The following EML4 variants were observed in gnomAD, a reference collection of about 807,000 sequenced individuals.
EML4 encodes the protein EMAP like 4.
EML4 carries 72 observed loss-of-function variants against 129.0 expected under a neutral mutation model. The observed-to-expected ratio is 0.56, with a 90% confidence interval of 0.46 to 0.68. EML4 has a LOEUF of 0.68. Among genes scored for constraint, EML4 ranks in the 30% least tolerant of loss-of-function variants. The pLI, the probability that EML4 is intolerant of heterozygous loss-of-function variation, is 0.00. For missense variants in EML4, 1,363 were observed against 1,190.6 expected, an observed-to-expected ratio of 1.14 and a Z score of -2.13; for synonymous variants, 532 against 405.0, an observed-to-expected ratio of 1.31 and a Z score of -3.77.
rs200868933 is a variant in EML4 at position 42,297,893 on chromosome 2, AT to A, written c.1489+2384del. On this transcript the variant is annotated intron_variant, in intron 13 of 22. Transcript: ENST00000318522. ...TTATGTCTTAAAAGTGCTTTTATAT[AT>A]TTTTTTCTTGTTTCCAAACCATTTC... Among the ~76,000 whole-genome samples, 737 of 152,180 alleles carry A rather than the reference AT, an allele frequency of 4.8e-3. 20 individuals are homozygous for A. The highest frequency in any genetic ancestry group is 0.021 in the East Asian group (110 of 5,182).
chr2:42,204,878 C>T (rs1188267697), intron 1 of EML4, among the ~76,000 whole-genome samples: 1 of 152,172 alleles, frequency 6.6e-6, no homozygotes, highest in South Asian at 2.1e-4. Context: ...AGTAATGAAT[C>T]TGTGTAAATG....
rs1420240989 is a variant in EML4, at chr2:42,282,893, A to G, written c.862A>G (p.Ile288Val). 1.9e-6 allele frequency: 3 copies of G among 1,611,300 alleles called. No individual in the cohort carries two copies. Among genetic ancestry groups the G allele is most frequent in the Non-Finnish European group, 2.5e-6 (3 of 1,177,546 alleles). The change falls in exon 8 of 23, where the codon ATT becomes GTT. Residue 288 changes from isoleucine (I) to valine (V), a missense_variant. By Grantham distance (29) the Ile-to-Val change is conservative. Coordinates refer to ENST00000318522, the MANE Select transcript of EML4 (RefSeq NM_019063.5). ...TCCGACCGGGAAAATAGTTTATTTC[A>G]TTGCATCAGTAGTAGTACTATTTAA... ...LLPTGKIVYFIASVVVLFNYE... is the reference protein window; with the variant it reads ...LLPTGKIVYFVASVVVLFNYE...
chr2:42,192,535 C>G (rs1469552583), intron 1 of EML4, among the ~76,000 whole-genome samples: 1 of 152,090 alleles, frequency 6.6e-6, no homozygotes, highest in Non-Finnish European at 1.5e-5. Context: ...CCACCGTGCC[C>G]AGCCTACTGT....
At chr2:42,277,649 AC>A (rs1436019808) in intron 6 of EML4, among the ~76,000 whole-genome samples, 1 of 151,024 alleles carries the variant, frequency 6.6e-6, no homozygotes. Flanking sequence ...GCTCACTGCA[AC>A]CCCCGCCTCC....
At chr2:42,238,230 A>G (rs1156429322) in intron 1 of EML4, among the ~76,000 whole-genome samples, 2 of 152,232 alleles carry the variant, frequency 1.3e-5, no homozygotes, top group East Asian at 3.8e-4. Flanking sequence ...CACTTCTGGT[A>G]CCAAGCAATT....
At chr2:42,310,138 C>T (rs1312999584) in intron 17 of EML4, among the ~76,000 whole-genome samples, 4 of 152,112 alleles carry the variant, frequency 2.6e-5, no homozygotes. Context: ...AACAAATTGG[C>T]CAAAGATGTA....
chr2:42,291,436 T>C (rs900873831), intron 11 of EML4, among the ~76,000 whole-genome samples: 2 of 147,976 alleles, frequency 1.4e-5, no homozygotes, highest in African/African-American at 5.1e-5. Context: ...AGTCTCATTC[T>C]GTCACCCATG....
chr2:42,308,452 A>G (rs1473407376), intron 17 of EML4, among the ~76,000 whole-genome samples: 6 of 152,074 alleles, frequency 3.9e-5, no homozygotes, highest in Admixed American at 6.6e-5. Context: ...AGAGGTTGCA[A>G]TGAACTGAGA....
chr2:42,265,288 A>G (rs1320872550), intron 6 of EML4, among the ~76,000 whole-genome samples: 1 of 152,114 alleles, frequency 6.6e-6, no homozygotes, highest in Non-Finnish European at 1.5e-5. Flanking sequence ...TATTTTTAGT[A>G]GAGACGGGGT....
intron 1 of EML4, among the ~76,000 whole-genome samples, chr2:42,230,031 C>T (rs1220451011): frequency 6.6e-6 from 1 of 152,068 alleles, no homozygotes; most frequent in Non-Finnish European, 1.5e-5. Flanking sequence ...TTTGCTTCTT[C>T]CAGATTCCCC....
At chr2:42,192,248 G>T (rs555131242) in intron 1 of EML4, among the ~76,000 whole-genome samples, 9 of 149,096 alleles carry the variant, frequency 6.0e-5, no homozygotes, top group Non-Finnish European at 1.0e-4. Flanking sequence ...TTTTTTGGGG[G>T]GGGGAGGTGT....
chr2:42,323,351 A>G (rs969086821), intron 19 of EML4, among the ~76,000 whole-genome samples: 3 of 152,180 alleles, frequency 2.0e-5, no homozygotes, highest in African/African-American at 7.2e-5. Context: ...CTGAAAATTG[A>G]TTTCTTAAGT....
At chr2:42,214,800 C>CCATACCA (rs1673084736) in intron 1 of EML4, among the ~76,000 whole-genome samples, 1 of 152,112 alleles carries the variant, frequency 6.6e-6, no homozygotes, top group Non-Finnish European at 1.5e-5. Context: ...TATGGTGGCT[C>CCATACCA]AGAGTAGTTG....
At chr2:42,299,945 C>G (rs1216349019) in intron 13 of EML4, among the ~76,000 whole-genome samples, 1 of 152,186 alleles carries the variant, frequency 6.6e-6, no homozygotes, top group Non-Finnish European at 1.5e-5. Context: ...CTCGGCCTCC[C>G]AAAGTGCTGG....
intron 1 of EML4, among the ~76,000 whole-genome samples, chr2:42,175,803 A>G (rs977126837): frequency 4.6e-5 from 7 of 152,168 alleles, no homozygotes; most frequent in Non-Finnish European, 7.4e-5. Flanking sequence ...CCAGCATCAT[A>G]TTATTTTTAA....
At position 42,329,877 on chromosome 2, in the gene EML4, G is replaced by A; in HGVS notation, c.2616G>A (p.Gln872=). ...TTGTGGAAAAGTTATCTTTGCCTCA[G>A]AATGAGACTGTAGCGGATACTACTC... ...WKLVEKLSLP[Q]NETVADTTLT... is the part of the protein sequence containing the mutation. The change falls in exon 23 of 23, where the codon CAG becomes CAA. Residue 872 remains glutamine (Q), a synonymous_variant. Transcript: ENST00000318522. 6.2e-7 allele frequency: 1 copy of A among 1,614,106 alleles called. No individual in the cohort carries two copies. The highest frequency in any genetic ancestry group is 1.3e-5 in the African/African-American group (1 of 75,010).
intron 19 of EML4, 143 bp from the exon 20 acceptor site, chr2:42,325,324 T>C (rs1235553036): frequency 6.4e-6 from 4 of 626,814 alleles, no homozygotes; most frequent in Non-Finnish European, 1.2e-5. Flanking sequence ...GTGAGCCTGC[T>C]CAGTTTTAGA....
intron 1 of EML4, among the ~76,000 whole-genome samples, chr2:42,187,941 G>T (rs1028095946): frequency 1.3e-5 from 2 of 152,140 alleles, no homozygotes; most frequent in African/African-American, 4.8e-5. Context: ...GGGTCACAAA[G>T]ATTCTTATTA....
Position 42,331,776 on chromosome 2 carries a change from A to G in EML4, c.*1569A>G. On this transcript the variant is annotated 3_prime_UTR_variant, in exon 23 of 23. Coordinates refer to ENST00000318522, the MANE Select transcript of EML4 (RefSeq NM_019063.5). Reference sequence around the variant, plus strand: ...TCCCAAGGACATTTACAACATTTATATTCACACGCTGTATGGAAGGGTGTG... The same window carrying G: ...TCCCAAGGACATTTACAACATTTATGTTCACACGCTGTATGGAAGGGTGTG... The G allele has an allele frequency of 4.5e-6, 1 of 221,866 alleles. No individual in the cohort carries two copies. Among genetic ancestry groups the G allele is most frequent in the East Asian group, 6.6e-5 (1 of 15,202 alleles). The allele number at this position is 221,866 out of a possible 1,614,324, so 13.7% of individuals were successfully genotyped here.
Sources: gnomAD v4.1 joint callset for allele counts (sites outside exome capture counted in the v4.1 genomes callset) on GRCh38, gnomAD v4.1.1 for gene constraint, MANE v1.5 for transcripts, NCBI Gene and HGNC (gene_info 2026-07-23, HGNC 2026-07-21) for gene names.